GRIP2: variants seen among roughly 807,000 people sequenced by gnomAD.
GRIP2 encodes the protein glutamate receptor-interacting protein 2.
GRIP2 carries 58 observed loss-of-function variants against 108.3 expected under a neutral mutation model. The ratio of observed to expected loss-of-function variants is 0.54; its 90% CI spans 0.43 to 0.67. GRIP2 has a LOEUF of 0.67. GRIP2 is among the 30% of genes least tolerant of loss of function. The pLI is 0.00. For synonymous variants in GRIP2, 586 were observed against 598.2 expected (o/e 0.98, Z 0.30); for missense variants, 1,278 against 1,430.6 (o/e 0.89, Z 1.72).
Position 14,493,579 on chromosome 3 carries a change from G to T in GRIP2, c.*86C>A, listed in dbSNP as rs1049040623. 7.2e-7 allele frequency: 1 copy of T among 1,396,676 alleles called. No individual in the cohort carries two copies. Among genetic ancestry groups the T allele is most frequent in the Admixed American group, 2.3e-5 (1 of 43,440 alleles). The allele number at this position is 1,396,676 out of a possible 1,614,324, so 86.5% of individuals were successfully genotyped here. ...TGCCAGACCAACAGATGAATGAGTG[G>T]GTGGCCGCTTCTCCAGCCCAGCTAC... On this transcript the variant is annotated 3_prime_UTR_variant, in exon 24 of 24. Transcript: ENST00000621039.
chr3:14,493,514 C>T lies in GRIP2; in HGVS notation c.*151G>A, dbSNP rs61547342. 1,492 of 969,826 alleles carry T rather than the reference C, an allele frequency of 1.5e-3. 15 individuals carry two copies. In the African/African-American group the frequency reaches 0.022, roughly 14 times the overall value. 60.1% of individuals were successfully genotyped at this position (969,826 alleles called of 1,614,324 possible). A position where few individuals can be genotyped will look rare whatever the true frequency, so the allele number is the denominator to read the frequency against. ...GCCTGGCACCCCAGTCACCACAGAC[C>T]TGGGGAACAGAGACCAAGCATCATC... is the stretch of plus-strand genomic sequence containing the variant. On this transcript the variant is annotated 3_prime_UTR_variant, in exon 24 of 24. Coordinates refer to ENST00000621039, the MANE Select transcript of GRIP2 (RefSeq NM_001080423.4).
At position 14,520,445 on chromosome 3, in the gene GRIP2, G is replaced by T; in HGVS notation, c.805C>A (p.Arg269=). 1 of 1,613,808 alleles carries T rather than the reference G, an allele frequency of 6.2e-7. No individual in the cohort carries two copies. The highest frequency in any genetic ancestry group is 8.5e-7 in the Non-Finnish European group (1 of 1,179,822). ...LGISLTTTSL[R]NKSVITIDRI... ...TCGATGGTAATGACTGACTTGTTCC[G>T]GAGGGAGGTGGTGGTGAGCGAGATC... The change falls in exon 8 of 24, where the codon CGG becomes AGG. Residue 269 remains arginine, a synonymous_variant. Coordinates refer to ENST00000621039, the MANE Select transcript of GRIP2 (RefSeq NM_001080423.4).
intron 1 of GRIP2, among the ~76,000 whole-genome samples, chr3:14,554,719 TCA>T (rs1273536755): frequency 6.7e-6 from 1 of 149,308 alleles, no homozygotes; most frequent in Admixed American, 6.6e-5. Context: ...TGGAAAATGC[TCA>T]GTTACAAGCT....
intron 2 of GRIP2, 97 bp downstream of exon 2, chr3:14,525,754 G>A (rs1179531505): frequency 3.7e-6 from 5 of 1,355,644 alleles, no homozygotes; most frequent in Non-Finnish European, 4.1e-6. Context: ...TAAGGTCACA[G>A]AGCAAGTCAG....
chr3:14,564,613 C>A, the GRIP2 span, among the ~76,000 whole-genome samples: 1 of 152,246 alleles, frequency 6.6e-6, no homozygotes, highest in Admixed American at 6.5e-5. Flanking sequence ...GCAAGGGCTC[C>A]GTGCGTGGGA....
In GRIP2 at chr3:14,509,979, A is replaced by G; in HGVS notation, c.1934-15T>C. On this transcript the variant is annotated splice_polypyrimidine_tract_variant and intron_variant, in intron 16 of 23. Coordinates refer to ENST00000621039, the MANE Select transcript of GRIP2 (RefSeq NM_001080423.4). ...CTCCAGCTCATCTGCAAGCACGGGG[A>G]CCCATGAGGAGGAGGCCCCCGAGGG... 2.0e-6 allele frequency: 3 copies of G among 1,464,976 alleles called. No individual in the cohort carries two copies. The highest frequency in any genetic ancestry group is 1.4e-5 in the African/African-American group (1 of 70,970). The allele number at this position is 1,464,976 out of a possible 1,614,324, so 90.7% of individuals were successfully genotyped here. A position where few individuals can be genotyped will look rare whatever the true frequency, so the allele number is the denominator to read the frequency against.
upstream of GRIP2, among the ~76,000 whole-genome samples, chr3:14,542,671 G>A (rs1694996977): frequency 6.6e-6 from 1 of 152,182 alleles, no homozygotes; most frequent in Non-Finnish European, 1.5e-5. Flanking sequence ...TTCTCTGAGT[G>A]CTTGCCATGC....
chr3:14,517,012 C>T (rs1404012137), intron 11 of GRIP2, 52 bp downstream of exon 11: 6 of 1,429,626 alleles, frequency 4.2e-6, no homozygotes, highest in Non-Finnish European at 5.5e-6. Context: ...TGGCAAGCCT[C>T]ACTCTCAGAC....
chr3:14,560,996 A>G (rs949956838), upstream of GRIP2, among the ~76,000 whole-genome samples: 1 of 152,148 alleles, frequency 6.6e-6, no homozygotes, highest in African/African-American at 2.4e-5. Flanking sequence ...GCTGGATATG[A>G]ATTACTTTGG....
rs563173963 is a variant in GRIP2 at position 14,509,873 on chromosome 3, T to C, written c.2025A>G (p.Glu675=). 2 of 1,542,304 alleles carry C rather than the reference T, an allele frequency of 1.3e-6. No individual in the cohort carries two copies. The highest frequency in any genetic ancestry group is 2.5e-5 in the East Asian group (1 of 40,314). Residue 675 remains glutamate (E), a synonymous_variant, in exon 17 of 24, where the codon GAA becomes GAG. Transcript: ENST00000621039. The part of the protein sequence containing the change: ...PLGITISGTE[E]PFDPIVISGL... ...CTGAGATGACAATGGGGTCAAAAGG[T>C]TCCTCCGTGCCCGAAATGGTGATGC...
the GRIP2 span, chr3:14,574,308 A>G: frequency 1.0e-6 from 1 of 991,734 alleles, no homozygotes; most frequent in Middle Eastern, 2.3e-4. Flanking sequence ...CAGCCCATAC[A>G]GCCGCTTCTC....
intron 1 of GRIP2, among the ~76,000 whole-genome samples, chr3:14,554,784 C>T (rs751575067): frequency 1.3e-5 from 2 of 152,162 alleles, no homozygotes; most frequent in Non-Finnish European, 2.9e-5. Context: ...AGGCAAGTTA[C>T]TTAACCGCTC....
rs111494184 is a variant in GRIP2 at position 14,511,141 on chromosome 3, A to G, written c.1933+24T>C. The G allele has an allele frequency of 1.0e-3, 1,606 of 1,612,466 alleles. 21 individuals are homozygous for G. In the South Asian group the frequency reaches 0.012, roughly 12 times the overall value. On this transcript the variant is annotated intron_variant, in intron 16 of 23. Coordinates refer to ENST00000621039, the MANE Select transcript of GRIP2 (RefSeq NM_001080423.4). This position sits in a 1 kb window ranked among gnomAD's most constrained non-coding sequence, Gnocchi z 4.1. ...AGTCAAAGGGTGGGCCTCTGGAGGT[A>G]GGAGGCCAGCATGAGGGCCATACCA...
chr3:14,540,187 G>A lies in GRIP2; in HGVS notation c.40+82C>T, dbSNP rs567991777. 1.5e-4 allele frequency: 222 copies of A among 1,527,026 alleles called. 3 individuals carry two copies. The South Asian group carries it at 2.5e-3, about 17-fold the overall frequency. 94.6% of individuals were successfully genotyped at this position (1,527,026 alleles called of 1,614,324 possible). A position where few individuals can be genotyped will look rare whatever the true frequency, so the allele number is the denominator to read the frequency against. ...GGCAGTCCCAGGTCTCAGCCATCCAGTCCCCTCTCTCTGGGCAGCAGCTCC... is the reference window on the plus strand; with the variant it reads ...GGCAGTCCCAGGTCTCAGCCATCCAATCCCCTCTCTCTGGGCAGCAGCTCC... On this transcript the variant is annotated intron_variant, in intron 1 of 23. Transcript: ENST00000621039. This position sits in a 1 kb window ranked among gnomAD's most constrained non-coding sequence, Gnocchi z 4.1.
Position 14,505,834 on chromosome 3 carries a change from T to G in GRIP2, c.2399-45A>C. 1 of 1,456,052 alleles carries G rather than the reference T, an allele frequency of 6.9e-7. No individual in the cohort carries two copies. The highest frequency in any genetic ancestry group is 1.4e-5 in the South Asian group (1 of 69,030). The allele number at this position is 1,456,052 out of a possible 1,614,324, so 90.2% of individuals were successfully genotyped here. A position where few individuals can be genotyped will look rare whatever the true frequency, so the allele number is the denominator to read the frequency against. Reference sequence around the variant, plus strand: ...CTCTGTGTTCCCTGCGGCCTCACCTTGCCCTCCTGCCTGCCCCATTTCCAG... The same window carrying G: ...CTCTGTGTTCCCTGCGGCCTCACCTGGCCCTCCTGCCTGCCCCATTTCCAG... On this transcript the variant is annotated intron_variant, in intron 19 of 23. Coordinates refer to ENST00000621039, the MANE Select transcript of GRIP2 (RefSeq NM_001080423.4). The surrounding 1 kb of genome is among the most constrained non-coding windows in gnomAD (Gnocchi z 4.2).
intron 1 of GRIP2, among the ~76,000 whole-genome samples, chr3:14,553,552 C>G (rs1575037245): frequency 6.6e-6 from 1 of 152,088 alleles, no homozygotes; most frequent in Non-Finnish European, 1.5e-5. Flanking sequence ...ATAACTACAC[C>G]CTCGAGTCTC....
chr3:14,559,129 C>A (rs1695280779), upstream of GRIP2, among the ~76,000 whole-genome samples: 1 of 152,206 alleles, frequency 6.6e-6, no homozygotes, highest in Non-Finnish European at 1.5e-5. Flanking sequence ...GTGTTACTTA[C>A]CTGACTGAGC....
the GRIP2 span, chr3:14,573,990 G>A: frequency 1.5e-5 from 17 of 1,161,424 alleles, no homozygotes; most frequent in Non-Finnish European, 2.0e-5. Context: ...TATGCAAGGC[G>A]AAAACTTGGC....
At chr3:14,510,788 G>A (rs1478135135) in intron 16 of GRIP2, among the ~76,000 whole-genome samples, 1 of 152,150 alleles carries the variant, frequency 6.6e-6, no homozygotes, top group African/African-American at 2.4e-5. Flanking sequence ...TGAGTCTGCA[G>A]TCTTTGCTTA....
Sources: gnomAD v4.1 joint callset for allele counts (sites outside exome capture counted in the v4.1 genomes callset) on GRCh38, gnomAD v4.1.1 for gene constraint, Gnocchi (gnomAD v3.1) non-coding constraint, MANE v1.5 for transcripts, NCBI Gene and HGNC (gene_info 2026-07-23, HGNC 2026-07-21) for gene names.